Variants in SMIM14 observed in about 807,000 individuals in gnomAD.
SMIM14 encodes chromosome 4 open reading frame 34.
In SMIM14, 5 loss-of-function variants were observed where a neutral mutation model predicts 12.6. The ratio of observed to expected loss-of-function variants is 0.40; its 90% CI spans 0.21 to 0.83. The LOEUF is 0.83. Ranked by LOEUF, SMIM14 falls within the 40% of genes least tolerant of loss-of-function variation. SMIM14 has a pLI of 0.37. For synonymous variants in SMIM14, 30 were observed against 40.1 expected (o/e 0.75, Z 0.95); for missense variants, 86 against 119.1 (o/e 0.72, Z 1.29).
At chr4:39,624,968 A>G (rs150008629) in intron 1 of SMIM14, among the ~76,000 whole-genome samples, 49 of 151,748 alleles carry the variant, frequency 3.2e-4, no homozygotes, top group African/African-American at 1.2e-3. Flanking sequence ...GCACTTTGGA[A>G]GGCCGAGGCA....
chr4:39,570,483 T>A (rs1046708941), intron 3 of SMIM14, among the ~76,000 whole-genome samples: 1 of 152,088 alleles, frequency 6.6e-6, no homozygotes, highest in East Asian at 1.9e-4. Context: ...ACAGGGTGTC[T>A]CAGCAAAGAA....
chr4:39,552,223 A>G, intron 4 of SMIM14, 65 bp from the exon 5 acceptor site: 1 of 1,389,424 alleles, frequency 7.2e-7, no homozygotes, highest in Non-Finnish European at 9.7e-7. Flanking sequence ...TTTAAAATTT[A>G]TTACTTTTTT....
chr4:39,590,036 A>G (rs997703647), intron 2 of SMIM14, among the ~76,000 whole-genome samples: 27 of 151,400 alleles, frequency 1.8e-4, no homozygotes, highest in Non-Finnish European at 3.8e-4. Context: ...AAAAAAAAAA[A>G]AAAAAAAAAG....
At chr4:39,608,851 A>C (rs1714911593) in intron 1 of SMIM14, among the ~76,000 whole-genome samples, 1 of 152,230 alleles carries the variant, frequency 6.6e-6, no homozygotes, top group African/African-American at 2.4e-5. Context: ...GGAAGTTTGC[A>C]GGGGAAATAG....
intron 3 of SMIM14, among the ~76,000 whole-genome samples, chr4:39,559,440 G>C (rs970275426): frequency 3.3e-5 from 5 of 151,882 alleles, no homozygotes; most frequent in African/African-American, 1.2e-4. Flanking sequence ...TTATAGATTA[G>C]ATTTCTAGAG....
intron 3 of SMIM14, among the ~76,000 whole-genome samples, chr4:39,563,031 C>T (rs371310462): frequency 6.6e-6 from 1 of 151,900 alleles, no homozygotes; most frequent in Non-Finnish European, 1.5e-5. Context: ...GAAAATGCAT[C>T]CTCTGCTCTA....
chr4:39,572,356 C>T (rs1278955705), intron 3 of SMIM14, 59 bp downstream of exon 3: 4 of 869,870 alleles, frequency 4.6e-6, no homozygotes, highest in Admixed American at 5.4e-5. Context: ...TATTCACAGG[C>T]ATCTGGCCTC....
chr4:39,597,688 A>C (rs1714429993), intron 2 of SMIM14, among the ~76,000 whole-genome samples: 1 of 152,280 alleles, frequency 6.6e-6, no homozygotes, highest in South Asian at 2.1e-4. Flanking sequence ...CCAACAAAAC[A>C]AACATGTATG....
chr4:39,600,271 T>A (rs1273934814), intron 2 of SMIM14, among the ~76,000 whole-genome samples: 1 of 152,048 alleles, frequency 6.6e-6, no homozygotes, highest in African/African-American at 2.4e-5. Flanking sequence ...ACTCCTGGCC[T>A]CAAGTGATCC....
chr4:39,559,743 T>C (rs1459122346), intron 3 of SMIM14, among the ~76,000 whole-genome samples: 1 of 151,976 alleles, frequency 6.6e-6, no homozygotes, highest in Non-Finnish European at 1.5e-5. Context: ...ACAAAATATA[T>C]ATTAAAAAGA....
At chr4:39,611,780 A>G (rs545606405) in intron 1 of SMIM14, among the ~76,000 whole-genome samples, 14 of 152,364 alleles carry the variant, frequency 9.2e-5, no homozygotes, top group African/African-American at 3.4e-4. Context: ...AAAGTAATGC[A>G]AAGTATTTAT....
At chr4:39,586,378 C>T (rs1713784020) in intron 2 of SMIM14, among the ~76,000 whole-genome samples, 1 of 151,906 alleles carries the variant, frequency 6.6e-6, no homozygotes, top group Admixed American at 6.6e-5. Flanking sequence ...TACCTCCCAC[C>T]CAGAAAACAC....
intron 1 of SMIM14, among the ~76,000 whole-genome samples, chr4:39,619,966 C>T (rs985684396): frequency 1.3e-5 from 2 of 149,172 alleles, no homozygotes; most frequent in Admixed American, 1.4e-4. Context: ...CAGCCTCAAA[C>T]TCATGGCTCA....
chr4:39,594,297 T>C (rs984262366), intron 2 of SMIM14: 8 of 152,134 alleles, frequency 5.3e-5, no homozygotes, highest in African/African-American at 1.7e-4. Context: ...AAACAAGCAA[T>C]GGGGAAAGGA....
At chr4:39,629,972 T>C (rs1206487559) in intron 1 of SMIM14, among the ~76,000 whole-genome samples, 1 of 152,190 alleles carries the variant, frequency 6.6e-6, no homozygotes, top group Non-Finnish European at 1.5e-5. Flanking sequence ...TGGTGTGTTC[T>C]AAACTTGAGA....
At chr4:39,603,702 G>C (rs1166936001) in intron 2 of SMIM14, among the ~76,000 whole-genome samples, 4 of 151,928 alleles carry the variant, frequency 2.6e-5, no homozygotes, top group African/African-American at 9.7e-5. Context: ...TCAAATAATT[G>C]ATTTGTTTTC....
chr4:39,573,232 A>T (rs1010306022), intron 2 of SMIM14, among the ~76,000 whole-genome samples: 29 of 151,984 alleles, frequency 1.9e-4, no homozygotes, highest in African/African-American at 6.8e-4. Context: ...AGTAGCTGGG[A>T]TTACAGGCAC....
intron 1 of SMIM14, among the ~76,000 whole-genome samples, chr4:39,606,866 A>G (rs1248691492): frequency 6.6e-6 from 1 of 152,226 alleles, no homozygotes; most frequent in Non-Finnish European, 1.5e-5. Flanking sequence ...GACATTAAAG[A>G]TAGTAAAATC....
chr4:39,633,127 C>G (rs1394156180), intron 1 of SMIM14, among the ~76,000 whole-genome samples: 6 of 151,834 alleles, frequency 4.0e-5, no homozygotes, highest in Admixed American at 2.0e-4. Flanking sequence ...AACTCTGTCT[C>G]TACTAAATAT....
Sources: gnomAD v4.1 joint callset for allele counts (sites outside exome capture counted in the v4.1 genomes callset) on GRCh38, gnomAD v4.1.1 for gene constraint, MANE v1.5 for transcripts, NCBI Gene and HGNC (gene_info 2026-07-23, HGNC 2026-07-21) for gene names.